NRP1: variants seen among roughly 807,000 people sequenced by gnomAD.
NRP1 encodes the protein neuropilin-1.
In NRP1, 35 loss-of-function variants were observed where a neutral mutation model predicts 106.7. The observed-to-expected ratio is 0.33, with a 90% CI of 0.25 to 0.43. The LOEUF is 0.43. Ranked by LOEUF, NRP1 falls within the 20% of genes least tolerant of loss-of-function variation. The pLI, the probability that NRP1 is intolerant of heterozygous loss-of-function variation, is 1.00. For missense variants in NRP1, 1,024 were observed against 1,170.4 expected, an observed-to-expected ratio of 0.87 and a Z score of 1.83; for synonymous variants, 437 against 417.9, an observed-to-expected ratio of 1.05 and a Z score of -0.56.
At chr10:33,317,588 G>A (rs936161441) in intron 2 of NRP1, among the ~76,000 whole-genome samples, 1 of 152,244 alleles carries the variant, frequency 6.6e-6, no homozygotes, top group African/African-American at 2.4e-5. Flanking sequence ...TGGCAACCCT[G>A]TGTAATAACC....
intron 2 of NRP1, among the ~76,000 whole-genome samples, chr10:33,306,175 G>T (rs925187819): frequency 2.6e-5 from 4 of 152,152 alleles, no homozygotes; most frequent in African/African-American, 9.7e-5. Context: ...CCAACTCTTT[G>T]TGACTTGCTT....
At chr10:33,298,447 T>C (rs1218673235) in intron 2 of NRP1, among the ~76,000 whole-genome samples, 1 of 152,194 alleles carries the variant, frequency 6.6e-6, no homozygotes. Context: ...GCCCATTTAA[T>C]GTTCTAACCA....
At chr10:33,259,527 C>A (rs1453131117) in intron 4 of NRP1, among the ~76,000 whole-genome samples, 1 of 151,896 alleles carries the variant, frequency 6.6e-6, no homozygotes, top group Non-Finnish European at 1.5e-5. Context: ...TGGACCGAAG[C>A]GCCGAGGAGA....
intron 6 of NRP1, among the ~76,000 whole-genome samples, chr10:33,247,481 A>T (rs941692039): frequency 3.3e-5 from 5 of 152,186 alleles, no homozygotes; most frequent in Admixed American, 1.3e-4. Context: ...ATGTTGGTGA[A>T]GTGTATGGAT....
chr10:33,200,542 C>T lies in NRP1; in HGVS notation c.1864+2349G>A, dbSNP rs748944650. On this transcript the variant is annotated intron_variant, in intron 11 of 16. Transcript: ENST00000374867. Reference sequence around the variant, plus strand: ...CACACCACCTGTGCTAAGGAACAGACAACCCCTAAAGACAGCATTGATCCC... The same window carrying T: ...CACACCACCTGTGCTAAGGAACAGATAACCCCTAAAGACAGCATTGATCCC... 7.8e-4 allele frequency among the ~76,000 whole-genome samples: 119 copies of T among 152,324 alleles called. 2 individuals carry two copies. The highest frequency in any genetic ancestry group is 5.4e-3 in the Admixed American group (83 of 15,298).
intron 6 of NRP1, among the ~76,000 whole-genome samples, chr10:33,244,539 A>G (rs1841271398): frequency 6.6e-6 from 1 of 152,212 alleles, no homozygotes; most frequent in Admixed American, 6.5e-5. Context: ...TTTCACCCAA[A>G]ACAGATGTGA....
chr10:33,230,049 G>A (rs942099298), intron 6 of NRP1, among the ~76,000 whole-genome samples: 3 of 151,862 alleles, frequency 2.0e-5, no homozygotes, highest in Non-Finnish European at 2.9e-5. Context: ...AACTAAAACC[G>A]GATAGTACCC....
At chr10:33,228,815 A>T (rs940496536) in intron 6 of NRP1, among the ~76,000 whole-genome samples, 8 of 152,242 alleles carry the variant, frequency 5.3e-5, no homozygotes, top group Non-Finnish European at 1.2e-4. Flanking sequence ...TAAGAGAAAA[A>T]GGAACAAGAA....
intron 2 of NRP1, among the ~76,000 whole-genome samples, chr10:33,294,131 T>A (rs1418304948): frequency 6.6e-6 from 1 of 152,222 alleles, no homozygotes; most frequent in Admixed American, 6.5e-5. Flanking sequence ...TTAGTAATTT[T>A]CAAGTGCATG....
At chr10:33,264,669 T>C (rs1842801686) in intron 3 of NRP1, among the ~76,000 whole-genome samples, 1 of 152,238 alleles carries the variant, frequency 6.6e-6, no homozygotes. Context: ...CACCAGGACT[T>C]TACAAATTAT....
At chr10:33,194,240 T>C (rs1372909352) in intron 12 of NRP1, 1 of 153,282 alleles carries the variant, frequency 6.5e-6, no homozygotes. Context: ...AAATGTACTG[T>C]TGCATAATCT....
intron 7 of NRP1, among the ~76,000 whole-genome samples, chr10:33,222,844 G>A (rs546871337): frequency 6.6e-6 from 1 of 152,284 alleles, no homozygotes; most frequent in East Asian, 1.9e-4. Context: ...AGAAAGATGA[G>A]GCATGTGACT....
At chr10:33,297,514 T>A (rs151274972) in intron 2 of NRP1, among the ~76,000 whole-genome samples, 6 of 152,142 alleles carry the variant, frequency 3.9e-5, no homozygotes, top group African/African-American at 1.4e-4. Context: ...GGTGAAACCC[T>A]GTCCCTACTA....
intron 2 of NRP1, among the ~76,000 whole-genome samples, chr10:33,278,548 A>G (rs1272715338): frequency 1.3e-5 from 2 of 152,180 alleles, no homozygotes; most frequent in Non-Finnish European, 2.9e-5. Flanking sequence ...AAAAAAAAAT[A>G]AAAATGTTTT....
chr10:33,246,583 A>AACACAC (rs59215824), intron 6 of NRP1, among the ~76,000 whole-genome samples: 40,389 of 137,456 alleles, frequency 0.29, 5,823 homozygotes, highest in East Asian at 0.56. Flanking sequence ...AGTTGCAATA[A>AACACAC]ACACACACAC....
chr10:33,308,661 G>C (rs1185867217), intron 2 of NRP1, among the ~76,000 whole-genome samples: 1 of 151,770 alleles, frequency 6.6e-6, no homozygotes, highest in Non-Finnish European at 1.5e-5. Flanking sequence ...TAATTTTTTT[G>C]TACTTTTAGT....
chr10:33,202,941 T>C lies in NRP1; in HGVS notation c.1814A>G (p.Asp605Gly). The change falls in exon 11 of 17, where the codon GAC (aspartate) becomes GGC (glycine). Residue 605 changes from aspartate (D) to glycine (G), a missense_variant. By Grantham distance (94) the Asp-to-Gly change is moderately conservative. Around this residue, in one of 5 missense-constraint regions of NRP1, gnomAD observed 562 missense variants for 620.3 expected, o/e 0.91. Coordinates refer to ENST00000374867, the MANE Select transcript of NRP1 (RefSeq NM_003873.7). ...TCCACTGTGGCAGTTGGCCTGGTCG[T>C]CATCACATTCATCCACCAAGTTCCC... ...PNGNLVDECD[D>G]DQANCHSGTG... 1 of 1,614,208 alleles carries C rather than the reference T, an allele frequency of 6.2e-7. No homozygotes were observed. Among genetic ancestry groups the C allele is most frequent in the Non-Finnish European group, 8.5e-7 (1 of 1,180,036 alleles).
At chr10:33,276,901 T>G (rs1843735777) in intron 2 of NRP1, among the ~76,000 whole-genome samples, 1 of 152,102 alleles carries the variant, frequency 6.6e-6, no homozygotes. Context: ...CAAGACCAGC[T>G]TGGACCACAA....
At position 33,225,663 on chromosome 10, in the gene NRP1, G is replaced by A. The variant is rs78759813; in HGVS notation, c.1137+471C>T. Among the ~76,000 whole-genome samples the A allele has an allele frequency of 4.4e-3, 667 of 152,274 alleles. 5 individuals are homozygous for A. The highest frequency in any genetic ancestry group is 0.015 in the African/African-American group (630 of 41,550). On this transcript the variant is annotated intron_variant, in intron 7 of 16. Transcript: ENST00000374867. The stretch of plus-strand genomic sequence containing the variant: ...CAATGAAATACCTTTGGTTCCACGC[G>A]TTCTTACAAGAAGCAGTCAAATGCA...
Sources: allele counts gnomAD v4.1 joint callset (sites outside exome capture counted in the v4.1 genomes callset), GRCh38; gene constraint gnomAD v4.1.1; regional missense constraint gnomAD v4.1.1; transcripts MANE v1.5; gene names NCBI Gene and HGNC (gene_info 2026-07-23, HGNC 2026-07-21).